IGF1R: variants seen among roughly 807,000 people sequenced by gnomAD.
IGF1R encodes insulin like growth factor 1 receptor.
Under a neutral mutation model 144.6 loss-of-function variants are expected in IGF1R, and 44 were observed. That is an observed-to-expected ratio of 0.30 (90% CI 0.24 to 0.39). IGF1R has a LOEUF of 0.39. Ranked by LOEUF, IGF1R falls within the 10% of genes least tolerant of loss-of-function variation. IGF1R has a pLI of 1.00. For missense variants in IGF1R, 1,355 were observed against 1,833.7 expected (o/e 0.74, Z 4.77); for synonymous variants, 795 against 722.8 (o/e 1.10, Z -1.60).
intron 1 of IGF1R, among the ~76,000 whole-genome samples, chr15:98,668,642 T>C (rs1050432626): frequency 2.6e-5 from 4 of 152,304 alleles, no homozygotes; most frequent in African/African-American, 9.6e-5. Context: ...TATTTTAAAC[T>C]CTGCAGGAGC....
At chr15:98,674,710 TTCTG>T (rs1567069387) in intron 1 of IGF1R, among the ~76,000 whole-genome samples, 2 of 152,212 alleles carry the variant, frequency 1.3e-5, no homozygotes, top group African/African-American at 2.4e-5. Context: ...AAAATAAGTT[TTCTG>T]TCTCTCTATA....
chr15:98,796,666 C>T (rs1404512313), intron 2 of IGF1R, among the ~76,000 whole-genome samples: 1 of 152,180 alleles, frequency 6.6e-6, no homozygotes, highest in African/African-American at 2.4e-5. Flanking sequence ...TGCCACAGCA[C>T]TTATTTTCTA....
At chr15:98,948,530 G>T in intron 19 of IGF1R, 44 bp from the exon 20 acceptor site, 1 of 1,607,570 alleles carries the variant, frequency 6.2e-7, no homozygotes, top group Non-Finnish European at 8.5e-7. Context: ...GCATTGTTCA[G>T]TCCATCCCTT....
chr15:98,781,563 A>G (rs1000690613), intron 2 of IGF1R, among the ~76,000 whole-genome samples: 1 of 152,240 alleles, frequency 6.6e-6, no homozygotes, highest in Non-Finnish European at 1.5e-5. Flanking sequence ...TAAAGTAGTA[A>G]GTACTTGACT....
At chr15:98,651,306 CCG>C (rs2052359583) in intron 1 of IGF1R, among the ~76,000 whole-genome samples, 1 of 152,212 alleles carries the variant, frequency 6.6e-6, no homozygotes, top group Non-Finnish European at 1.5e-5. Context: ...GTGTTTACTG[CCG>C]AGTGGGACGC....
chr15:98,799,227 G>A (rs1030902361), intron 2 of IGF1R, among the ~76,000 whole-genome samples: 2 of 151,978 alleles, frequency 1.3e-5, no homozygotes, highest in Non-Finnish European at 2.9e-5. Flanking sequence ...CCTTTCGTGA[G>A]CCCCTCAAAC....
At chr15:98,694,223 C>T (rs547189938) in intron 1 of IGF1R, among the ~76,000 whole-genome samples, 1 of 152,196 alleles carries the variant, frequency 6.6e-6, no homozygotes, top group Non-Finnish European at 1.5e-5. Context: ...CGTGCTGAAG[C>T]GCAAGGGTGC....
intron 2 of IGF1R, among the ~76,000 whole-genome samples, chr15:98,750,566 G>A (rs897133516): frequency 5.9e-5 from 9 of 152,190 alleles, no homozygotes; most frequent in Admixed American, 4.6e-4. Flanking sequence ...GCTCATGCCT[G>A]TAATCCCAGC....
At chr15:98,684,459 GA>G (rs574278166) in intron 1 of IGF1R, among the ~76,000 whole-genome samples, 46 of 150,232 alleles carry the variant, frequency 3.1e-4, no homozygotes, top group East Asian at 1.4e-3. Context: ...ATTGAAATTG[GA>G]AAAAAAAATG....
chr15:98,828,064 T>TG (rs2056928055), intron 2 of IGF1R, among the ~76,000 whole-genome samples: 1 of 152,144 alleles, frequency 6.6e-6, no homozygotes, highest in African/African-American at 2.4e-5. Context: ...AAGCAAGGCT[T>TG]TAGGGAGAGA....
chr15:98,682,733 A>G (rs1035566442), intron 1 of IGF1R, among the ~76,000 whole-genome samples: 11 of 151,896 alleles, frequency 7.2e-5, no homozygotes, highest in African/African-American at 2.7e-4. Flanking sequence ...TTTTTAGTAG[A>G]GATGGGGTTT....
chr15:98,927,322 A>C (rs559732089), intron 13 of IGF1R, among the ~76,000 whole-genome samples: 12 of 152,332 alleles, frequency 7.9e-5, no homozygotes, highest in African/African-American at 2.9e-4. Flanking sequence ...AAGGTTTGGA[A>C]GCTTTCAGGC....
At chr15:98,879,570 A>G (rs1375724565) in intron 2 of IGF1R, among the ~76,000 whole-genome samples, 1 of 152,134 alleles carries the variant, frequency 6.6e-6, no homozygotes, top group Admixed American at 6.5e-5. Flanking sequence ...TTTTCCTGGT[A>G]TCAAAGAATG....
intron 1 of IGF1R, among the ~76,000 whole-genome samples, chr15:98,663,343 A>C (rs1244183707): frequency 6.6e-6 from 1 of 152,188 alleles, no homozygotes; most frequent in African/African-American, 2.4e-5. Context: ...TAAGGCATGG[A>C]ATGGAGAGAG....
intron 2 of IGF1R, among the ~76,000 whole-genome samples, chr15:98,846,898 A>G (rs1026515673): frequency 6.6e-6 from 1 of 152,230 alleles, no homozygotes; most frequent in African/African-American, 2.4e-5. Flanking sequence ...AAAATGACCC[A>G]GGAATTCCTT....
chr15:98,783,215 T>A (rs139711191), intron 2 of IGF1R, among the ~76,000 whole-genome samples: 208 of 152,316 alleles, frequency 1.4e-3, no homozygotes, highest in Non-Finnish European at 2.5e-3. Context: ...AATAGTAACA[T>A]TTTGTGAAAC....
intron 5 of IGF1R, among the ~76,000 whole-genome samples, chr15:98,905,432 C>T (rs564487691): frequency 6.6e-6 from 1 of 151,864 alleles, no homozygotes; most frequent in Admixed American, 6.6e-5. Context: ...CATGGCAAGG[C>T]ATTGCTTGAG....
intron 4 of IGF1R, 52 bp from the exon 5 acceptor site, chr15:98,899,425 G>A: frequency 1.3e-6 from 2 of 1,583,218 alleles, no homozygotes; most frequent in Non-Finnish European, 1.7e-6. Flanking sequence ...ATCCAAGTAT[G>A]TCACCCTTAC....
intron 3 of IGF1R, among the ~76,000 whole-genome samples, chr15:98,892,755 C>A (rs116020970): frequency 1.2e-3 from 183 of 152,250 alleles, no homozygotes; most frequent in African/African-American, 4.0e-3. Flanking sequence ...GGGGCTCACG[C>A]CTGTAATCCC....
Sources: allele counts gnomAD v4.1 joint callset (sites outside exome capture counted in the v4.1 genomes callset), GRCh38; gene constraint gnomAD v4.1.1; transcripts MANE v1.5; gene names NCBI Gene and HGNC (gene_info 2026-07-23, HGNC 2026-07-21).